The following CFAP221 variants were observed in gnomAD, a reference collection of about 807,000 sequenced individuals.
The protein encoded by CFAP221 is cilia- and flagella-associated protein 221.
CFAP221 carries 97 observed loss-of-function variants against 113.1 expected under a neutral mutation model. The ratio of observed to expected loss-of-function variants is 0.86; its 90% confidence interval spans 0.73 to 1.02. CFAP221 has a LOEUF of 1.02. Among genes scored for constraint, CFAP221 ranks in the 50% least tolerant of loss-of-function variants. The pLI, the probability that CFAP221 is intolerant of heterozygous loss-of-function variation, is 0.00. For missense variants in CFAP221, 1,025 were observed against 1,013.4 expected, an observed-to-expected ratio of 1.01 and a Z score of -0.16; for synonymous variants, 331 against 354.4, an observed-to-expected ratio of 0.93 and a Z score of 0.74.
intron 23 of CFAP221, among the ~76,000 whole-genome samples, chr2:119,653,053 A>T (rs375478897): frequency 6.6e-6 from 1 of 150,608 alleles, no homozygotes. Context: ...TTAAATATAT[A>T]TTTTCCATAT....
chr2:119,634,595 TA>T (rs139830630), intron 19 of CFAP221, among the ~76,000 whole-genome samples: 4,209 of 152,108 alleles, frequency 0.028, 73 homozygotes, highest in Non-Finnish European at 0.041. Flanking sequence ...ATGAATGGAA[TA>T]AAAAAAGTGG....
intron 23 of CFAP221, 128 bp downstream of exon 23, chr2:119,652,197 C>T: frequency 1.7e-6 from 1 of 594,246 alleles, no homozygotes; most frequent in Admixed American, 3.6e-5. Context: ...ATTTCTGGTG[C>T]TTCATATATT....
chr2:119,611,551 G>A, intron 12 of CFAP221, 102 bp from the exon 13 acceptor site: 1 of 943,914 alleles, frequency 1.1e-6, no homozygotes, highest in Non-Finnish European at 1.6e-6. Flanking sequence ...AACGTCGTGG[G>A]TGGATTTGGC....
chr2:119,545,548 A>ACCTCCTCATCACCC (rs1342561111), intron 1 of CFAP221, among the ~76,000 whole-genome samples: 31 of 152,240 alleles, frequency 2.0e-4, no homozygotes, highest in Admixed American at 1.3e-3. Flanking sequence ...AGGTTTCACC[A>ACCTCCTCATCACCC]CCTCCTCATC....
At chr2:119,601,669 A>G (rs1684376197) in intron 8 of CFAP221, 2 of 264,900 alleles carry the variant, frequency 7.6e-6, no homozygotes, top group Non-Finnish European at 7.1e-6. Flanking sequence ...TACCATATGC[A>G]TGTCTTATTG....
rs1285522044 is a variant in CFAP221, at chr2:119,601,366, C to T, written c.780C>T (p.Asn260=). ...TCTTCACCGGAACATGCTATCCCAA[C>T]ATGGCCTTACCGTATGGCGTCTTTG... The part of the protein sequence containing the change: ...ECVFTGTCYP[N]MALPLEEFER... The change falls in exon 8 of 24, where the codon AAC becomes AAT. Residue 260 remains asparagine, a synonymous_variant. Transcript: ENST00000413369. 6.5e-7 allele frequency: 1 copy of T among 1,527,138 alleles called. No homozygotes were observed. The highest frequency in any genetic ancestry group is 8.8e-7 in the Non-Finnish European group (1 of 1,140,692). The allele number at this position is 1,527,138 out of a possible 1,614,324, so 94.6% of individuals were successfully genotyped here.
intron 20 of CFAP221, among the ~76,000 whole-genome samples, chr2:119,638,836 C>A (rs1246682975): frequency 6.6e-6 from 1 of 152,078 alleles, no homozygotes; most frequent in Admixed American, 6.5e-5. Context: ...ACTTCCCCCC[C>A]AGGGAACCAC....
chr2:119,571,100 G>T (rs1682007982), intron 6 of CFAP221, among the ~76,000 whole-genome samples: 1 of 146,920 alleles, frequency 6.8e-6, no homozygotes, highest in South Asian at 2.2e-4. Flanking sequence ...TTAGCTAGGT[G>T]TGGTTACACC....
intron 6 of CFAP221, chr2:119,580,641 A>C (rs920738824): frequency 1.3e-5 from 2 of 152,152 alleles, no homozygotes; most frequent in Non-Finnish European, 2.9e-5. Flanking sequence ...CTAGTTAGTG[A>C]CAAACAAAAT....
At chr2:119,639,972 A>G (rs924794578) in intron 21 of CFAP221, 100 bp downstream of exon 21, 1 of 993,132 alleles carries the variant, frequency 1.0e-6, no homozygotes, top group Non-Finnish European at 1.5e-6. Context: ...GTCAAACCAT[A>G]CTTTTAAAGC....
At chr2:119,604,815 T>A (rs754902967) in intron 9 of CFAP221, 23 bp downstream of exon 9, 185 of 1,595,450 alleles carry the variant, frequency 1.2e-4, no homozygotes, top group Non-Finnish European at 6.0e-6. Context: ...TTGTCCTTGG[T>A]GCGATGAAAG....
chr2:119,608,495 TCCCCAGGC>T lies in CFAP221; in HGVS notation c.1134-6_1135del. ...TTCTGGACACAGTTTTTTTTTTTTC[TCCCCAGGC>T]AGGTGCACCTTGGTAAAGATCCTAT... On this transcript the variant is annotated splice_acceptor_variant and splice_polypyrimidine_tract_variant and coding_sequence_variant and intron_variant, in exon 12 of 24. Transcript: ENST00000413369. LOFTEE classifies it high-confidence loss of function. The T allele has an allele frequency of 6.4e-7, 1 of 1,553,994 alleles. No individual in the cohort carries two copies. Among genetic ancestry groups the T allele is most frequent in the African/African-American group, 1.4e-5 (1 of 69,950 alleles).
At chr2:119,651,032 C>A (rs1049970438) in intron 22 of CFAP221, among the ~76,000 whole-genome samples, 1 of 152,170 alleles carries the variant, frequency 6.6e-6, no homozygotes, top group Non-Finnish European at 1.5e-5. Flanking sequence ...ATCACTGAAA[C>A]TAGAGGCTAA....
chr2:119,657,294 T>C (rs1688477495), downstream of CFAP221, among the ~76,000 whole-genome samples: 1 of 152,178 alleles, frequency 6.6e-6, no homozygotes, highest in South Asian at 2.1e-4. Flanking sequence ...TGATTCTGAA[T>C]CCCAGTCCTG....
At chr2:119,591,236 A>C (rs1326752827) in intron 7 of CFAP221, among the ~76,000 whole-genome samples, 3 of 152,230 alleles carry the variant, frequency 2.0e-5, no homozygotes, top group Non-Finnish European at 4.4e-5. Flanking sequence ...TTTCCAAAGC[A>C]CCAAACCCAA....
intron 3 of CFAP221, among the ~76,000 whole-genome samples, chr2:119,557,608 A>G (rs1280485921): frequency 6.6e-6 from 1 of 152,186 alleles, no homozygotes; most frequent in Non-Finnish European, 1.5e-5. Context: ...CTGCTACTAT[A>G]GAAGACTCTC....
chr2:119,648,289 A>G (rs1404606906), intron 22 of CFAP221, among the ~76,000 whole-genome samples: 1 of 152,262 alleles, frequency 6.6e-6, no homozygotes, highest in Non-Finnish European at 1.5e-5. Context: ...GCATAAGAGA[A>G]GATACATGGT....
In CFAP221 at chr2:119,656,503, T is replaced by C. The variant is rs1403036589; in HGVS notation, c.*33T>C. The stretch of plus-strand genomic sequence containing the variant: ...CAGTAGGTCAGTCCCTTCCATTTGC[T>C]TTCCGTGGGCCACTGTGGCCCCTTG... On this transcript the variant is annotated 3_prime_UTR_variant, in exon 24 of 24. Transcript: ENST00000413369. 1 of 1,518,122 alleles carries C rather than the reference T, an allele frequency of 6.6e-7. No individual in the cohort carries two copies. The highest frequency in any genetic ancestry group is 1.7e-5 in the Admixed American group (1 of 59,328). 94.0% of individuals were successfully genotyped at this position (1,518,122 alleles called of 1,614,324 possible).
rs563231151 is a variant in CFAP221, at chr2:119,639,984, T to C, written c.2225+112T>C. On this transcript the variant is annotated intron_variant, in intron 21 of 23. Coordinates refer to ENST00000413369, the MANE Select transcript of CFAP221 (RefSeq NM_001271049.2). ...TATGTCAAACCATACTTTTAAAGCA[T>C]GAGAGAAGTTTGCTAGTCAAAGAAA... 1.6e-5 allele frequency: 14 copies of C among 890,368 alleles called. No homozygotes were observed. The East Asian group carries it at 1.8e-4, about 11-fold the overall frequency. 55.2% of individuals were successfully genotyped at this position (890,368 alleles called of 1,614,324 possible). A position where few individuals can be genotyped will look rare whatever the true frequency, so the allele number is the denominator to read the frequency against.
Sources: gnomAD v4.1 joint callset for allele counts (sites outside exome capture counted in the v4.1 genomes callset) on GRCh38, gnomAD v4.1.1 for gene constraint, MANE v1.5 for transcripts, NCBI Gene and HGNC (gene_info 2026-07-23, HGNC 2026-07-21) for gene names.